KLHL32: variants seen among roughly 807,000 people sequenced by gnomAD.
KLHL32 encodes the protein kelch like family member 32.
Under a neutral mutation model 64.8 loss-of-function variants are expected in KLHL32, and 35 were observed. The observed-to-expected ratio is 0.54, with a 90% confidence interval of 0.41 to 0.72. KLHL32 has a LOEUF of 0.72. Among genes scored for constraint, KLHL32 ranks in the 30% least tolerant of loss-of-function variants. KLHL32 has a pLI of 0.00. For synonymous variants in KLHL32, 259 were observed against 281.0 expected (o/e 0.92, Z 0.78); for missense variants, 589 against 768.5 (o/e 0.77, Z 2.76).
At chr6:96,995,956 T>G (rs1336592394) in intron 3 of KLHL32, among the ~76,000 whole-genome samples, 7 of 152,196 alleles carry the variant, frequency 4.6e-5, no homozygotes, top group Non-Finnish European at 1.0e-4. Context: ...CAAACTACTG[T>G]TGAACACTAT....
intron 3 of KLHL32, among the ~76,000 whole-genome samples, chr6:97,000,549 G>A (rs116132268): frequency 0.032 from 4,826 of 152,158 alleles, 233 homozygotes; most frequent in African/African-American, 0.11. Context: ...AGACAAACAT[G>A]ATTTCATTTT....
intron 8 of KLHL32, 122 bp downstream of exon 8, chr6:97,127,584 A>G (rs1799008560): frequency 1.2e-6 from 1 of 819,390 alleles, no homozygotes; most frequent in Admixed American, 2.3e-5. Context: ...TTATATAGAG[A>G]AAAGGAAGCA....
intron 1 of KLHL32, among the ~76,000 whole-genome samples, chr6:96,955,136 T>C (rs1466918318): frequency 6.6e-6 from 1 of 152,056 alleles, no homozygotes; most frequent in East Asian, 1.9e-4. Context: ...CCCAATTACC[T>C]CCCAAAGGCT....
chr6:97,116,111 T>C (rs1022730882), intron 7 of KLHL32, among the ~76,000 whole-genome samples: 1 of 152,014 alleles, frequency 6.6e-6, no homozygotes, highest in African/African-American at 2.4e-5. Context: ...CACATCAGGG[T>C]TTAAGTGCTC....
intron 6 of KLHL32, among the ~76,000 whole-genome samples, chr6:97,103,129 T>C (rs939895149): frequency 1.3e-5 from 2 of 151,892 alleles, no homozygotes; most frequent in African/African-American, 2.4e-5. Context: ...TATACCACTG[T>C]ATTCCCTCAT....
chr6:97,088,667 C>T (rs912395892), intron 6 of KLHL32, among the ~76,000 whole-genome samples: 7 of 152,104 alleles, frequency 4.6e-5, no homozygotes, highest in Non-Finnish European at 1.0e-4. Context: ...AATCATTTCC[C>T]AGTGTATATG....
chr6:96,907,640 G>T, the KLHL32 span, among the ~76,000 whole-genome samples: 1 of 152,148 alleles, frequency 6.6e-6, no homozygotes, highest in Non-Finnish European at 1.5e-5. Flanking sequence ...ACCCCTAAGA[G>T]GCCACATTGT....
In KLHL32 at chr6:97,140,420, TCAC is replaced by T. The variant is rs921998157; in HGVS notation, c.*1144_*1146del. ...CAATCTTGAGTGCTTGTGGAATTCT[TCAC>T]CACCAATACATATTTTATTACTATC... On this transcript the variant is annotated 3_prime_UTR_variant, in exon 11 of 11. Transcript: ENST00000369261. The T allele has an allele frequency of 6.6e-6, 1 of 152,104 alleles. No homozygotes were observed. Among genetic ancestry groups the T allele is most frequent in the Non-Finnish European group, 1.5e-5 (1 of 67,934 alleles). The allele number at this position is 152,104 out of a possible 1,614,324, so 9.4% of individuals were successfully genotyped here.
chr6:97,104,729 T>TTAG (rs1181877550), intron 6 of KLHL32, among the ~76,000 whole-genome samples: 11 of 152,354 alleles, frequency 7.2e-5, no homozygotes, highest in Admixed American at 3.3e-4. Context: ...GCAGTTTTAA[T>TTAG]TATAGCACTC....
At chr6:96,978,688 A>G (rs1161702441) in intron 3 of KLHL32, among the ~76,000 whole-genome samples, 1 of 152,156 alleles carries the variant, frequency 6.6e-6, no homozygotes, top group Non-Finnish European at 1.5e-5. Context: ...TTAAATGGTA[A>G]TACTGTTTTA....
intron 1 of KLHL32, among the ~76,000 whole-genome samples, chr6:96,928,950 T>C (rs1769506220): frequency 1.3e-5 from 2 of 152,342 alleles, no homozygotes; most frequent in Admixed American, 6.5e-5. Flanking sequence ...TGAAAAGCTG[T>C]ACTCAAATCT....
intron 3 of KLHL32, among the ~76,000 whole-genome samples, chr6:97,029,380 A>C (rs1334136683): frequency 6.6e-6 from 1 of 152,192 alleles, no homozygotes; most frequent in Non-Finnish European, 1.5e-5. Flanking sequence ...ATGTAACATA[A>C]TTTTTAGCAT....
chr6:97,121,099 A>G (rs1798316976), intron 7 of KLHL32, among the ~76,000 whole-genome samples: 1 of 152,224 alleles, frequency 6.6e-6, no homozygotes. Flanking sequence ...TGTATCCCGA[A>G]TAAGTTGCAC....
chr6:96,973,083 T>C (rs1008957535), intron 2 of KLHL32, among the ~76,000 whole-genome samples: 3 of 152,226 alleles, frequency 2.0e-5, no homozygotes, highest in African/African-American at 7.2e-5. Flanking sequence ...ATCCCTAACA[T>C]ATTGGTTCCA....
At chr6:96,975,753 A>G (rs2128043398) in intron 2 of KLHL32, among the ~76,000 whole-genome samples, 1 of 152,284 alleles carries the variant, frequency 6.6e-6, no homozygotes, top group South Asian at 2.1e-4. Context: ...ACACACAAAC[A>G]CAAATGCAGA....
chr6:96,977,649 G>A (rs1400473011), intron 3 of KLHL32, among the ~76,000 whole-genome samples: 1 of 152,014 alleles, frequency 6.6e-6, no homozygotes, highest in Admixed American at 6.6e-5. Flanking sequence ...TTGTTGATTG[G>A]TTTGAATATT....
intron 1 of KLHL32, among the ~76,000 whole-genome samples, chr6:96,939,262 G>A (rs923481926): frequency 1.3e-5 from 2 of 152,302 alleles, no homozygotes; most frequent in East Asian, 3.9e-4. Flanking sequence ...CAGTAATACT[G>A]TTTTACTCTG....
chr6:97,104,426 AT>A (rs1234843423), intron 6 of KLHL32, among the ~76,000 whole-genome samples: 1 of 152,230 alleles, frequency 6.6e-6, no homozygotes, highest in Non-Finnish European at 1.5e-5. Flanking sequence ...AACAAATCTT[AT>A]GCTAAAGGTG....
At chr6:96,946,545 T>C (rs1169513485) in intron 1 of KLHL32, among the ~76,000 whole-genome samples, 1 of 152,202 alleles carries the variant, frequency 6.6e-6, no homozygotes, top group Non-Finnish European at 1.5e-5. Flanking sequence ...ACTTCACTGC[T>C]ATGAGCTAGG....
Sources: allele counts gnomAD v4.1 joint callset (sites outside exome capture counted in the v4.1 genomes callset), GRCh38; gene constraint gnomAD v4.1.1; transcripts MANE v1.5; gene names NCBI Gene and HGNC (gene_info 2026-07-23, HGNC 2026-07-21).